Variants in LRRTM3 observed in about 807,000 individuals in gnomAD.
LRRTM3 encodes the protein leucine-rich repeat transmembrane neuronal protein 3.
In LRRTM3, 24 loss-of-function variants were observed where a neutral mutation model predicts 44.7. That is an observed-to-expected ratio of 0.54 (90% CI 0.39 to 0.76). LRRTM3 has a LOEUF of 0.76. Ranked by LOEUF, LRRTM3 falls within the 30% of genes least tolerant of loss-of-function variation. The pLI is 0.00. For synonymous variants in LRRTM3, 277 were observed against 278.7 expected (o/e 0.99, Z 0.06); for missense variants, 587 against 702.2 (o/e 0.84, Z 1.85).
intron 2 of LRRTM3, among the ~76,000 whole-genome samples, chr10:66,945,431 T>C (rs903907616): frequency 5.3e-5 from 8 of 152,196 alleles, no homozygotes; most frequent in African/African-American, 1.7e-4. Context: ...TTTCAGCCTT[T>C]GTAGAATTGA....
chr10:67,026,260 ATAAT>A (rs1291298321), intron 2 of LRRTM3, among the ~76,000 whole-genome samples: 5 of 152,036 alleles, frequency 3.3e-5, no homozygotes, highest in African/African-American at 4.8e-5. Flanking sequence ...AAGTATAATA[ATAAT>A]TAAGAAAAAA....
At chr10:66,994,087 C>T (rs2132946941) in intron 2 of LRRTM3, among the ~76,000 whole-genome samples, 1 of 152,200 alleles carries the variant, frequency 6.6e-6, no homozygotes, top group South Asian at 2.1e-4. Flanking sequence ...ACTATCTTAA[C>T]CAAGTTAAGC....
At chr10:67,014,452 G>C (rs990497163) in intron 2 of LRRTM3, among the ~76,000 whole-genome samples, 6 of 152,236 alleles carry the variant, frequency 3.9e-5, no homozygotes, top group Non-Finnish European at 7.4e-5. Context: ...CCCAGGTGGT[G>C]CCTGTTTGTA....
intron 2 of LRRTM3, among the ~76,000 whole-genome samples, chr10:66,981,669 C>T (rs762044444): frequency 3.9e-5 from 6 of 152,314 alleles, no homozygotes; most frequent in Non-Finnish European, 8.8e-5. Flanking sequence ...ATGCCCAATG[C>T]TACTGCAATA....
At chr10:66,938,044 T>C (rs1589452218) in intron 2 of LRRTM3, among the ~76,000 whole-genome samples, 1 of 152,208 alleles carries the variant, frequency 6.6e-6, no homozygotes, top group East Asian at 1.9e-4. Context: ...TGATAGATGT[T>C]GTTGAATTGA....
At position 66,927,819 on chromosome 10, in the gene LRRTM3, G is replaced by A; in HGVS notation, c.903G>A (p.Trp301Ter). ...TTGGTCAAGAGATTTTGGATTCTTG[G>A]ATATCCCTCAATGACATCAGTCTTG... is the stretch of plus-strand genomic sequence containing the variant. ...TFIGQEILDS[W>*]ISLNDISLAG... The change falls in exon 2 of 3, where the codon TGG becomes TGA. Residue 301 changes from tryptophan (W) to a stop codon, truncating the protein, a stop_gained. Transcript: ENST00000361320. LOFTEE classifies it high-confidence loss of function. The surrounding 1 kb of genome is among the most constrained non-coding windows in gnomAD (Gnocchi z 4.7). 1 of 1,614,184 alleles carries A rather than the reference G, an allele frequency of 6.2e-7. No individual in the cohort carries two copies. Among genetic ancestry groups the A allele is most frequent in the Non-Finnish European group, 8.5e-7 (1 of 1,180,028 alleles).
intron 2 of LRRTM3, among the ~76,000 whole-genome samples, chr10:67,046,870 C>T (rs1854785999): frequency 6.6e-6 from 1 of 151,982 alleles, no homozygotes; most frequent in Admixed American, 6.5e-5. Flanking sequence ...ATTAAGGGTC[C>T]AAAGAAAATT....
In LRRTM3 at chr10:66,928,381, G is replaced by C; in HGVS notation, c.1465G>C (p.Glu489Gln). The C allele has an allele frequency of 5.0e-6, 8 of 1,614,144 alleles. No homozygotes were observed. Among genetic ancestry groups the C allele is most frequent in the Non-Finnish European group, 5.9e-6 (7 of 1,180,036 alleles). Residue 489 changes from glutamate (E) to glutamine (Q), a missense_variant, in exon 2 of 3, where the codon GAG becomes CAG. Physicochemically the swap from Glu to Gln is conservative, Grantham distance 29. Around this residue, in one of 3 missense-constraint regions of LRRTM3, gnomAD observed 315 missense variants for 335.6 expected, o/e 0.94. Transcript: ENST00000361320. The part of the protein sequence containing the change: ...FYVDYKPTNT[E>Q]TSEMLLNGTG... The stretch of plus-strand genomic sequence containing the variant: ...TGTAGATTATAAACCCACCAACACG[G>C]AGACCAGCGAGATGCTGCTGAATGG...
chr10:66,971,125 A>G (rs915819760), intron 2 of LRRTM3, among the ~76,000 whole-genome samples: 1 of 152,124 alleles, frequency 6.6e-6, no homozygotes, highest in African/African-American at 2.4e-5. Context: ...GCAATGAGGC[A>G]GGATAGTGAA....
At chr10:67,022,042 C>T (rs971939970) in intron 2 of LRRTM3, among the ~76,000 whole-genome samples, 5 of 152,124 alleles carry the variant, frequency 3.3e-5, no homozygotes, top group Admixed American at 6.6e-5. Flanking sequence ...TTTGGAAGTA[C>T]GAAGTGTATT....
At chr10:67,048,440 T>A (rs745371276) in intron 2 of LRRTM3, among the ~76,000 whole-genome samples, 4 of 152,084 alleles carry the variant, frequency 2.6e-5, no homozygotes, top group Non-Finnish European at 2.9e-5. Flanking sequence ...TAAAGAATGA[T>A]GATTTTCATT....
At chr10:66,999,032 T>C (rs988495434) in intron 2 of LRRTM3, among the ~76,000 whole-genome samples, 3 of 152,154 alleles carry the variant, frequency 2.0e-5, no homozygotes, top group African/African-American at 7.2e-5. Flanking sequence ...AATGTATTTA[T>C]TACTATTTTA....
chr10:66,969,597 A>C (rs917481821), intron 2 of LRRTM3, among the ~76,000 whole-genome samples: 3 of 152,142 alleles, frequency 2.0e-5, no homozygotes, highest in Non-Finnish European at 4.4e-5. Flanking sequence ...TTTTCATGAT[A>C]ATTTGTATTA....
chr10:66,978,570 T>TAC (rs1850220334), intron 2 of LRRTM3, among the ~76,000 whole-genome samples: 1 of 101,814 alleles, frequency 9.8e-6, no homozygotes, highest in Non-Finnish European at 2.2e-5. Context: ...TATATATATA[T>TAC]AGTATGGTGT....
intron 2 of LRRTM3, among the ~76,000 whole-genome samples, chr10:66,960,660 G>A (rs1286458940): frequency 6.6e-6 from 1 of 152,148 alleles, no homozygotes; most frequent in Non-Finnish European, 1.5e-5. Flanking sequence ...AAAGATATTG[G>A]AAGGTTCATT....
chr10:67,021,500 T>C (rs1347999145), intron 2 of LRRTM3, among the ~76,000 whole-genome samples: 1 of 151,934 alleles, frequency 6.6e-6, no homozygotes, highest in African/African-American at 2.4e-5. Flanking sequence ...AGTAAAAACA[T>C]TAAAAAATCC....
At chr10:66,933,077 A>G (rs1452228365) in intron 2 of LRRTM3, among the ~76,000 whole-genome samples, 1 of 152,198 alleles carries the variant, frequency 6.6e-6, no homozygotes, top group East Asian at 1.9e-4. Flanking sequence ...GTAAACTCTA[A>G]AATGGCAACT....
At chr10:67,061,086 TA>T (rs994470487) in intron 2 of LRRTM3, among the ~76,000 whole-genome samples, 16 of 151,840 alleles carry the variant, frequency 1.1e-4, no homozygotes, top group East Asian at 1.9e-4. Flanking sequence ...ATTCAATCAA[TA>T]AAAAAAACTA....
chr10:66,966,854 T>C (rs773531102), intron 2 of LRRTM3, among the ~76,000 whole-genome samples: 6 of 152,110 alleles, frequency 3.9e-5, no homozygotes, highest in African/African-American at 9.7e-5. Flanking sequence ...CATAGAACTA[T>C]AGCTTATTTA....
Sources: gnomAD v4.1 joint callset for allele counts (sites outside exome capture counted in the v4.1 genomes callset) on GRCh38, gnomAD v4.1.1 for gene constraint, gnomAD v4.1.1 regional missense constraint, Gnocchi (gnomAD v3.1) non-coding constraint, MANE v1.5 for transcripts, NCBI Gene and HGNC (gene_info 2026-07-23, HGNC 2026-07-21) for gene names.